Variants in RAPGEF1 observed in about 807,000 individuals in gnomAD.
The protein encoded by RAPGEF1 is Rap guanine nucleotide exchange factor 1.
Under a neutral mutation model 143.3 loss-of-function variants are expected in RAPGEF1, and 33 were observed. The observed-to-expected ratio is 0.23, with a 90% CI of 0.17 to 0.31. The LOEUF is 0.31. Ranked by LOEUF, RAPGEF1 falls within the 10% of genes least tolerant of loss-of-function variation. RAPGEF1 has a pLI of 1.00. For missense variants in RAPGEF1, 1,199 were observed against 1,645.4 expected, an observed-to-expected ratio of 0.73 and a Z score of 4.69; for synonymous variants, 629 against 676.5, an observed-to-expected ratio of 0.93 and a Z score of 1.09.
Position 131,620,660 on chromosome 9 carries a change from C to A in RAPGEF1, c.1905+1136G>T, listed in dbSNP as rs151144093. Among the ~76,000 whole-genome samples, 18 of 152,246 alleles carry A rather than the reference C, an allele frequency of 1.2e-4. No individual in the cohort carries two copies. The East Asian group carries it at 3.5e-3, about 29-fold the overall frequency. Reference sequence around the variant, plus strand: ...TGGCCTTTCCTCTACTGGACATGGCCACCTCTGAAGTGGCTGAGTGTGGTT... The same window carrying A: ...TGGCCTTTCCTCTACTGGACATGGCAACCTCTGAAGTGGCTGAGTGTGGTT... On this transcript the variant is annotated intron_variant, in intron 11 of 26. Transcript: ENST00000683357.
chr9:131,677,240 T>C (rs1485497243), intron 1 of RAPGEF1, among the ~76,000 whole-genome samples: 1 of 152,224 alleles, frequency 6.6e-6, no homozygotes, highest in African/African-American at 2.4e-5. Flanking sequence ...ACAACTGTAT[T>C]TTCCAGCAAC....
chr9:131,722,506 G>A (rs906627774), intron 1 of RAPGEF1, among the ~76,000 whole-genome samples: 3 of 152,220 alleles, frequency 2.0e-5, no homozygotes, highest in African/African-American at 4.8e-5. Context: ...CAGCCGACAT[G>A]AGCCAAGCAC....
intron 1 of RAPGEF1, among the ~76,000 whole-genome samples, chr9:131,729,192 A>C (rs1304952923): frequency 6.6e-6 from 1 of 152,216 alleles, no homozygotes; most frequent in East Asian, 1.9e-4. Context: ...TGCCTCTAAC[A>C]CGGATGAGGG....
At chr9:131,585,444 G>T (rs1460481081) in intron 22 of RAPGEF1, among the ~76,000 whole-genome samples, 1 of 152,202 alleles carries the variant, frequency 6.6e-6, no homozygotes, top group African/African-American at 2.4e-5. Context: ...GCCTCCCAAA[G>T]TCCTGGGATT....
At chr9:131,592,063 T>A in intron 18 of RAPGEF1, 36 bp downstream of exon 18, 1 of 1,499,828 alleles carries the variant, frequency 6.7e-7, no homozygotes, top group Non-Finnish European at 9.3e-7. Flanking sequence ...AAAATGCCCA[T>A]GGTGCAGGGG....
chr9:131,665,658 C>G (rs1343753097), intron 1 of RAPGEF1, among the ~76,000 whole-genome samples: 1 of 152,134 alleles, frequency 6.6e-6, no homozygotes, highest in Non-Finnish European at 1.5e-5. Context: ...CAACCCCCTC[C>G]CCACCTCTGA....
Position 131,579,443 on chromosome 9 carries a change from T to G in RAPGEF1, c.*54A>C, listed in dbSNP as rs1951520739. The stretch of plus-strand genomic sequence containing the variant: ...AACAGGTCCAAGGTCCTCTCCGGTC[T>G]GGGAGCTGCCCTCTGCGCCCCTCGA... On this transcript the variant is annotated 3_prime_UTR_variant, in exon 27 of 27. Transcript: ENST00000683357. 1 of 1,593,730 alleles carries G rather than the reference T, an allele frequency of 6.3e-7. No homozygotes were observed. The highest frequency in any genetic ancestry group is 2.2e-5 in the East Asian group (1 of 44,678).
At position 131,738,757 on chromosome 9, in the gene RAPGEF1, A is replaced by G. The variant is rs1589136420; in HGVS notation, c.61+1013T>C. Among the ~76,000 whole-genome samples the G allele has an allele frequency of 2.0e-5, 3 of 152,284 alleles. No homozygotes were observed. In the South Asian group the frequency reaches 6.2e-4, roughly 32 times the overall value. On this transcript the variant is annotated intron_variant, in intron 1 of 26. Coordinates refer to ENST00000683357, the MANE Select transcript of RAPGEF1 (RefSeq NM_001377935.1). Reference sequence around the variant, plus strand: ...AAAAATGTCCTTCTGTGCTTCAACCACAGCCTGCAAAAGTCATATTGCCTT... The same window carrying G: ...AAAAATGTCCTTCTGTGCTTCAACCGCAGCCTGCAAAAGTCATATTGCCTT...
intron 1 of RAPGEF1, among the ~76,000 whole-genome samples, chr9:131,690,604 G>A (rs1833717905): frequency 6.6e-6 from 1 of 151,932 alleles, no homozygotes; most frequent in Admixed American, 6.6e-5. Context: ...GTGGAGAACA[G>A]CCTGGGCAAC....
chr9:131,674,101 T>C (rs1322784769), intron 1 of RAPGEF1, among the ~76,000 whole-genome samples: 1 of 152,230 alleles, frequency 6.6e-6, no homozygotes, highest in Non-Finnish European at 1.5e-5. Context: ...GTTCTAACTT[T>C]TGCTTTACAA....
intron 1 of RAPGEF1, among the ~76,000 whole-genome samples, chr9:131,700,091 G>GA (rs1834516966): frequency 6.6e-6 from 1 of 152,134 alleles, no homozygotes; most frequent in Non-Finnish European, 1.5e-5. Context: ...ATGCTCAGGA[G>GA]AAAACCACTG....
chr9:131,716,083 G>A (rs576327883), intron 1 of RAPGEF1, among the ~76,000 whole-genome samples: 1 of 152,234 alleles, frequency 6.6e-6, no homozygotes, highest in South Asian at 2.1e-4. Context: ...CATCCCACTG[G>A]CCACTGCTGC....
chr9:131,685,402 C>A (rs1397372358), intron 1 of RAPGEF1, among the ~76,000 whole-genome samples: 1 of 152,184 alleles, frequency 6.6e-6, no homozygotes, highest in Non-Finnish European at 1.5e-5. Flanking sequence ...GCCATAATGC[C>A]CACGCTGGAA....
chr9:131,683,410 G>A (rs1318220446), intron 1 of RAPGEF1, among the ~76,000 whole-genome samples: 2 of 152,066 alleles, frequency 1.3e-5, no homozygotes, highest in East Asian at 3.8e-4. Context: ...TAATTAAGAA[G>A]AAATCAGGTA....
chr9:131,605,984 G>C (rs1169444066), intron 12 of RAPGEF1, among the ~76,000 whole-genome samples: 2 of 152,104 alleles, frequency 1.3e-5, no homozygotes, highest in African/African-American at 4.8e-5. Flanking sequence ...TGAGATGGGA[G>C]GATCACTTGA....
At position 131,626,406 on chromosome 9, in the gene RAPGEF1, G is replaced by A; in HGVS notation, c.1218C>T (p.Asp406=). The A allele has an allele frequency of 6.2e-7, 1 of 1,600,234 alleles. No individual in the cohort carries two copies. Residue 406 remains aspartate (D), a synonymous_variant, in exon 10 of 27, where the codon GAC becomes GAT. Coordinates refer to ENST00000683357, the MANE Select transcript of RAPGEF1 (RefSeq NM_001377935.1). ...SCETLDHYDP[D]YEFLQQDLSN... ...AGAGGTCTTGCTGGAGGAATTCATA[G>A]TCGGGATCATAGTGGTCTGCAGTTA...
chr9:131,722,079 C>T (rs117331883), intron 1 of RAPGEF1, among the ~76,000 whole-genome samples: 2,454 of 152,260 alleles, frequency 0.016, 32 homozygotes, highest in Middle Eastern at 0.037. Context: ...TAACGCCTTA[C>T]ATGTCTTATA....
chr9:131,720,506 G>A (rs935844948), intron 1 of RAPGEF1, among the ~76,000 whole-genome samples: 6 of 152,026 alleles, frequency 3.9e-5, no homozygotes, highest in African/African-American at 1.2e-4. Context: ...GAAACCAGGC[G>A]CCAGAGCCCA....
chr9:131,631,538 C>A (rs1964854183), intron 5 of RAPGEF1, among the ~76,000 whole-genome samples: 1 of 152,260 alleles, frequency 6.6e-6, no homozygotes, highest in Non-Finnish European at 1.5e-5. Flanking sequence ...CTGGCCAGGG[C>A]CTGCATGTGT....
Sources: gnomAD v4.1 joint callset for allele counts (sites outside exome capture counted in the v4.1 genomes callset) on GRCh38, gnomAD v4.1.1 for gene constraint, MANE v1.5 for transcripts, NCBI Gene and HGNC (gene_info 2026-07-23, HGNC 2026-07-21) for gene names.